Variants in OR2V2 observed in about 807,000 individuals in gnomAD.
OR2V2 encodes the protein olfactory receptor family 2 subfamily V member 2.
For missense variants in OR2V2, 392 were observed against 392.2 expected, an observed-to-expected ratio of 1.00 and a Z score of 0.00; for synonymous variants, 161 against 151.3, an observed-to-expected ratio of 1.06 and a Z score of -0.47.
intron 1 of OR2V2, among the ~76,000 whole-genome samples, chr5:181,149,623 G>A (rs761623711): frequency 3.9e-4 from 59 of 152,300 alleles, no homozygotes; most frequent in Admixed American, 5.9e-4. Context: ...CTCGTCAGAG[G>A]CTCACAGGTA....
Position 181,155,614 on chromosome 5 carries a change from G to A in OR2V2, c.672G>A (p.Gly224=). The A allele has an allele frequency of 6.2e-7, 1 of 1,614,140 alleles. No individual in the cohort carries two copies. The highest frequency in any genetic ancestry group is 1.1e-5 in the South Asian group (1 of 91,074). ...IIVASYAHIL[G]TVLQMHSAQA... ...TGGCCTCCTATGCTCACATTCTAGG[G>A]ACTGTGCTGCAAATGCACTCTGCTC... The change falls in exon 2 of 2, where the codon GGG becomes GGA. Residue 224 remains glycine, a synonymous_variant. Transcript: ENST00000641492.
rs1450140558 is a variant in OR2V2, at chr5:181,154,933, C to T, written c.-10C>T. On this transcript the variant is annotated 5_prime_UTR_variant, in exon 2 of 2. It introduces an in-frame stop codon into an upstream open reading frame of the 5' UTR. Transcript: ENST00000641492. Reference sequence around the variant, plus strand: ...CATATTCTCAGGTGACCAGGAGCAACAACCGAGCCATGGAGACGTGGGTGA... The same window carrying T: ...CATATTCTCAGGTGACCAGGAGCAATAACCGAGCCATGGAGACGTGGGTGA... 1 of 1,599,744 alleles carries T rather than the reference C, an allele frequency of 6.3e-7. No homozygotes were observed. Among genetic ancestry groups the T allele is most frequent in the South Asian group, 1.1e-5 (1 of 90,724 alleles).
At position 181,157,800 on chromosome 5, in the gene OR2V2, C is replaced by T. The variant is rs1252999933; in HGVS notation, c.*1910C>T. ...TCTTCCAGGAAGCATCCCTGATTAA[C>T]CTCATGCCCACTCAGATTTCTCTGG... On this transcript the variant is annotated 3_prime_UTR_variant, in exon 2 of 2. Transcript: ENST00000641492. 6.6e-6 allele frequency: 1 copy of T among 152,190 alleles called. No individual in the cohort carries two copies. The highest frequency in any genetic ancestry group is 1.5e-5 in the Non-Finnish European group (1 of 68,042). The allele number at this position is 152,190 out of a possible 1,614,324, so 9.4% of individuals were successfully genotyped here.
chr5:181,153,690 A>G lies in OR2V2; in HGVS notation c.-24-1229A>G, dbSNP rs113767251. Among the ~76,000 whole-genome samples the G allele has an allele frequency of 7.2e-5, 11 of 152,262 alleles. 1 individual carries two copies. The highest frequency in any genetic ancestry group is 2.6e-4 in the African/African-American group (11 of 41,536). ...GAGACCCTGTCTCAAAAACACAAAA[A>G]CACAAAATAATTCTTGGCTAAATAT... On this transcript the variant is annotated intron_variant, in intron 1 of 1. Transcript: ENST00000641492.
chr5:181,155,364 T>A lies in OR2V2; in HGVS notation c.422T>A (p.Val141Asp). The A allele has an allele frequency of 6.2e-7, 1 of 1,614,144 alleles. No individual in the cohort carries two copies. Among genetic ancestry groups the A allele is most frequent in the Non-Finnish European group, 8.5e-7 (1 of 1,180,028 alleles). ...TATCCCATCCTCATGAATCAGAGGG[T>A]CTGTCTCCAGATTACTGGGAGCTCC... The part of the protein sequence containing the change: ...LHYPILMNQR[V>D]CLQITGSSWA... Residue 141 changes from valine (V) to aspartate (D), a missense_variant, in exon 2 of 2, where the codon GTC becomes GAC. Physicochemically the swap from Val to Asp is radical, Grantham distance 152. Transcript: ENST00000641492.
Position 181,159,271 on chromosome 5 carries a change from A to C in OR2V2, c.*3381A>C, listed in dbSNP as rs1310341162. The C allele has an allele frequency of 6.6e-6, 1 of 152,186 alleles. No individual in the cohort carries two copies. Among genetic ancestry groups the C allele is most frequent in the Non-Finnish European group, 1.5e-5 (1 of 68,044 alleles). 9.4% of individuals were successfully genotyped at this position (152,186 alleles called of 1,614,324 possible). A position where few individuals can be genotyped will look rare whatever the true frequency, so the allele number is the denominator to read the frequency against. ...AAATAAAACATGAATTTTAAATTTA[A>C]AAATTGCTCTACACCTCCATTTGGA... On this transcript the variant is annotated 3_prime_UTR_variant, in exon 2 of 2. Transcript: ENST00000641492.
intron 1 of OR2V2, among the ~76,000 whole-genome samples, chr5:181,148,235 T>C (rs1582194071): frequency 6.6e-6 from 1 of 152,118 alleles, no homozygotes; most frequent in African/African-American, 2.4e-5. Context: ...CCTTGGTGTC[T>C]TACTCCCCTT....
chr5:181,150,946 C>G (rs1458640903), intron 1 of OR2V2, among the ~76,000 whole-genome samples: 1 of 152,154 alleles, frequency 6.6e-6, no homozygotes, highest in Admixed American at 6.5e-5. Flanking sequence ...ACCACCGCAC[C>G]CCACCCTGGA....
chr5:181,156,059 T>G lies in OR2V2; in HGVS notation c.*169T>G, dbSNP rs113583315. ...CATCAGTTCTTTCTTTCTTTCTTTC[T>G]TTCTTTCTTTCTTTTGTTCTTTCTT... On this transcript the variant is annotated 3_prime_UTR_variant, in exon 2 of 2. Transcript: ENST00000641492. 3.6e-6 allele frequency: 2 copies of G among 551,182 alleles called. No homozygotes were observed. Among genetic ancestry groups the G allele is most frequent in the African/African-American group, 1.9e-5 (1 of 51,972 alleles). The allele number at this position is 551,182 out of a possible 1,614,324, so 34.1% of individuals were successfully genotyped here. A position where few individuals can be genotyped will look rare whatever the true frequency, so the allele number is the denominator to read the frequency against.
At chr5:181,153,866 A>G (rs1037498393) in intron 1 of OR2V2, among the ~76,000 whole-genome samples, 1 of 152,262 alleles carries the variant, frequency 6.6e-6, no homozygotes, top group African/African-American at 2.4e-5. Context: ...AAGATAACTT[A>G]GGAAGCAGGT....
rs1763143668 is a variant in OR2V2, at chr5:181,147,904, A to G, written c.-116A>G. Reference sequence around the variant, plus strand: ...CCTGTCCCCTGACCCAGTGGGAGCAAAAACAGGAGGATGAGTGCATGGCTC... The same window carrying G: ...CCTGTCCCCTGACCCAGTGGGAGCAGAAACAGGAGGATGAGTGCATGGCTC... On this transcript the variant is annotated 5_prime_UTR_variant, in exon 1 of 2. Transcript: ENST00000641492. 5.0e-6 allele frequency: 2 copies of G among 397,660 alleles called. No homozygotes were observed. Among genetic ancestry groups the G allele is most frequent in the East Asian group, 7.1e-5 (2 of 28,056 alleles). The allele number at this position is 397,660 out of a possible 1,614,324, so 24.6% of individuals were successfully genotyped here.
rs751020529 is a variant in OR2V2 at position 181,157,560 on chromosome 5, T to C, written c.*1670T>C. The C allele has an allele frequency of 6.6e-5, 10 of 152,208 alleles. No homozygotes were observed. The highest frequency in any genetic ancestry group is 1.2e-4 in the Non-Finnish European group (8 of 68,042). The allele number at this position is 152,208 out of a possible 1,614,324, so 9.4% of individuals were successfully genotyped here. A position where few individuals can be genotyped will look rare whatever the true frequency, so the allele number is the denominator to read the frequency against. ...AGGTGTCTCCAAGGACTGGTGAAAA[T>C]AGAAGTAACTTTCCTTAGTCACGGG... is the stretch of plus-strand genomic sequence containing the variant. On this transcript the variant is annotated 3_prime_UTR_variant, in exon 2 of 2. Coordinates refer to ENST00000641492, the MANE Select transcript of OR2V2 (RefSeq NM_206880.2).
rs1763301782 is a variant in OR2V2 at position 181,159,153 on chromosome 5, A to G, written c.*3263A>G. The G allele has an allele frequency of 6.6e-6, 1 of 152,042 alleles. No individual in the cohort carries two copies. Among genetic ancestry groups the G allele is most frequent in the Admixed American group, 6.5e-5 (1 of 15,274 alleles). 9.4% of individuals were successfully genotyped at this position (152,042 alleles called of 1,614,324 possible). Reference sequence around the variant, plus strand: ...GGTTTCTCATGTCTGTAATCCCAGCACTTTGGGAAGCCAAGGCAGGAGGAT... The same window carrying G: ...GGTTTCTCATGTCTGTAATCCCAGCGCTTTGGGAAGCCAAGGCAGGAGGAT... On this transcript the variant is annotated 3_prime_UTR_variant, in exon 2 of 2. Transcript: ENST00000641492.
chr5:181,156,234 T>A lies in OR2V2; in HGVS notation c.*344T>A. The A allele has an allele frequency of 4.5e-6, 1 of 221,164 alleles. No homozygotes were observed. Among genetic ancestry groups the A allele is most frequent in the Non-Finnish European group, 8.9e-6 (1 of 112,860 alleles). The allele number at this position is 221,164 out of a possible 1,614,324, so 13.7% of individuals were successfully genotyped here. On this transcript the variant is annotated 3_prime_UTR_variant, in exon 2 of 2. Coordinates refer to ENST00000641492, the MANE Select transcript of OR2V2 (RefSeq NM_206880.2). ...TGAGTCTCCAACTCAGCCTCCTGAG[T>A]AGCTGGGATTACAGGTGCGTGCCCC...
At chr5:181,149,557 T>C (rs934561397) in intron 1 of OR2V2, among the ~76,000 whole-genome samples, 5 of 152,186 alleles carry the variant, frequency 3.3e-5, no homozygotes, top group Non-Finnish European at 5.9e-5. Context: ...GTGACTCACA[T>C]AGCATTGCAC....
chr5:181,155,762 G>C lies in OR2V2; in HGVS notation c.820G>C (p.Val274Leu), dbSNP rs776968659. Reference protein sequence around the residue: ...RHYRAPSHDKVASIFYTVLTP... With the variant: ...RHYRAPSHDKLASIFYTVLTP... ...CTACCGGGCCCCCAGCCATGACAAG[G>C]TGGCCTCTATCTTCTACACGGTCCT... The change falls in exon 2 of 2, where the codon GTG becomes CTG. Residue 274 changes from valine (V) to leucine (L), a missense_variant. Val to Leu is a conservative substitution (Grantham distance 32, BLOSUM62 1). Coordinates refer to ENST00000641492, the MANE Select transcript of OR2V2 (RefSeq NM_206880.2). 4.8e-5 allele frequency: 78 copies of C among 1,614,030 alleles called. No individual in the cohort carries two copies. Among genetic ancestry groups the C allele is most frequent in the Non-Finnish European group, 6.6e-5 (78 of 1,180,040 alleles).
chr5:181,155,834 G>T lies in OR2V2; in HGVS notation c.892G>T (p.Val298Leu). Residue 298 changes from valine to leucine, a missense_variant, in exon 2 of 2, where the codon GTG becomes TTG. Transcript: ENST00000641492. ...PLIYSLRNREVMGALRKGLDR... is the reference protein window; with the variant it reads ...PLIYSLRNRELMGALRKGLDR... ...CATTTACAGCTTGAGGAACAGGGAG[G>T]TGATGGGGGCACTGAGGAAGGGGCT... The T allele has an allele frequency of 1.2e-6, 2 of 1,614,198 alleles. No homozygotes were observed. Among genetic ancestry groups the T allele is most frequent in the African/African-American group, 2.7e-5 (2 of 75,044 alleles).
chr5:181,152,560 A>G (rs2546431), intron 1 of OR2V2, among the ~76,000 whole-genome samples: 95,103 of 152,116 alleles, frequency 0.63, 30,795 homozygotes, highest in African/African-American at 0.8. Context: ...TAGTGTAAAC[A>G]CAATTCCCCA....
chr5:181,154,050 A>G (rs1006966304), intron 1 of OR2V2, among the ~76,000 whole-genome samples: 92 of 152,294 alleles, frequency 6.0e-4, no homozygotes, highest in African/African-American at 2.2e-3. Flanking sequence ...TGACAATGAC[A>G]CCGTCCATCG....
Sources: gnomAD v4.1 joint callset for allele counts (sites outside exome capture counted in the v4.1 genomes callset) on GRCh38, gnomAD v4.1.1 for gene constraint, MANE v1.5 for transcripts, NCBI Gene and HGNC (gene_info 2026-07-23, HGNC 2026-07-21) for gene names.